The following RYR2 variants were observed in gnomAD, a reference collection of about 807,000 sequenced individuals.
RYR2 encodes ryanodine receptor 2.
Under a neutral mutation model 601.1 loss-of-function variants are expected in RYR2, and 227 were observed. That is an observed-to-expected ratio of 0.38 (90% CI 0.34 to 0.42). The LOEUF (loss-of-function observed/expected upper bound fraction) is 0.42. Among genes scored for constraint, RYR2 ranks in the 10% least tolerant of loss-of-function variants. The pLI, the probability that RYR2 is intolerant of heterozygous loss-of-function variation, is 1.00. For synonymous variants in RYR2, 2,223 were observed against 2,175.1 expected (o/e 1.02, Z -0.61); for missense variants, 4,646 against 6,156.5 (o/e 0.75, Z 8.21).
At chr1:237,742,572 G>A (rs1329398374) in intron 80 of RYR2, among the ~76,000 whole-genome samples, 1 of 152,182 alleles carries the variant, frequency 6.6e-6, no homozygotes, top group Non-Finnish European at 1.5e-5. Context: ...CATATGTTCA[G>A]AATGAGTGTT....
rs529229918 is a variant in RYR2, at chr1:237,384,109, A to G, written c.577-3172A>G. 1.1e-4 allele frequency among the ~76,000 whole-genome samples: 16 copies of G among 152,354 alleles called. No homozygotes were observed. The South Asian group carries it at 3.3e-3, about 32-fold the overall frequency. ...GCAAAATTGGAAGCATTCAAATTAG[A>G]ATATTTTCTTCAGAAGAGTAGACCT... On this transcript the variant is annotated intron_variant, in intron 8 of 104. Transcript: ENST00000366574.
intron 16 of RYR2, among the ~76,000 whole-genome samples, chr1:237,457,161 G>A (rs1306239940): frequency 1.3e-5 from 2 of 152,142 alleles, no homozygotes; most frequent in Non-Finnish European, 2.9e-5. Context: ...ATGGATGTGT[G>A]TTAAATATTT....
chr1:237,778,395 A>AC (rs2149334190), intron 87 of RYR2, among the ~76,000 whole-genome samples: 1 of 11,678 alleles, frequency 8.6e-5, no homozygotes, highest in East Asian at 2.3e-3. Flanking sequence ...TCAAAGCCAG[A>AC]CCAAAAAAAA....
intron 29 of RYR2, among the ~76,000 whole-genome samples, chr1:237,589,425 C>G (rs918321196): frequency 6.6e-6 from 1 of 152,100 alleles, no homozygotes; most frequent in Admixed American, 6.6e-5. Flanking sequence ...TTAGTTCCTT[C>G]TTACTTTCCC....
At position 237,426,293 on chromosome 1, in the gene RYR2, C is replaced by T. The variant is rs923008469; in HGVS notation, c.1005+3045C>T. On this transcript the variant is annotated intron_variant, in intron 12 of 104. Transcript: ENST00000366574. ...ATTCTCCATTGTGAAAATAGAGAGGCACAGCTGGTAAAACCTCATTATCCT... is the reference window on the plus strand; with the variant it reads ...ATTCTCCATTGTGAAAATAGAGAGGTACAGCTGGTAAAACCTCATTATCCT... Among the ~76,000 whole-genome samples the T allele has an allele frequency of 8.5e-5, 13 of 152,146 alleles. No individual in the cohort carries two copies. The Middle Eastern group carries it at 0.014, about 160-fold the overall frequency.
At chr1:237,737,574 G>A (rs1283368219) in intron 79 of RYR2, among the ~76,000 whole-genome samples, 2 of 152,196 alleles carry the variant, frequency 1.3e-5, no homozygotes, top group African/African-American at 4.8e-5. Flanking sequence ...TTTTAATTAA[G>A]TATATGTCAT....
At chr1:237,430,403 T>G (rs1706686092) in intron 12 of RYR2, among the ~76,000 whole-genome samples, 1 of 151,936 alleles carries the variant, frequency 6.6e-6, no homozygotes, top group African/African-American at 2.4e-5. Flanking sequence ...TAATCTATTG[T>G]TGTAATATTA....
chr1:237,812,534 A>G (rs937315477), intron 100 of RYR2, among the ~76,000 whole-genome samples: 5 of 152,198 alleles, frequency 3.3e-5, no homozygotes, highest in East Asian at 1.9e-4. Flanking sequence ...AAATATTGCA[A>G]TTGAGAAGTT....
chr1:237,357,653 T>A (rs1699416687), intron 4 of RYR2, among the ~76,000 whole-genome samples: 1 of 152,182 alleles, frequency 6.6e-6, no homozygotes, highest in African/African-American at 2.4e-5. Flanking sequence ...TGTAAATCAT[T>A]GCAGTAGAGA....
chr1:237,323,953 G>C (rs1018930094), intron 2 of RYR2, among the ~76,000 whole-genome samples: 3 of 152,152 alleles, frequency 2.0e-5, no homozygotes, highest in African/African-American at 4.8e-5. Flanking sequence ...CTTCTTGGAG[G>C]CAATAATGTT....
chr1:237,690,179 G>T (rs1191017843), intron 63 of RYR2, among the ~76,000 whole-genome samples: 1 of 152,134 alleles, frequency 6.6e-6, no homozygotes, highest in Non-Finnish European at 1.5e-5. Context: ...CATATTATGG[G>T]TATTGGTATA....
intron 88 of RYR2, among the ~76,000 whole-genome samples, chr1:237,780,282 T>G (rs1264907005): frequency 6.6e-6 from 1 of 152,198 alleles, no homozygotes; most frequent in Non-Finnish European, 1.5e-5. Context: ...CAGTCTTTCA[T>G]TTAATCACTA....
intron 2 of RYR2, among the ~76,000 whole-genome samples, chr1:237,295,854 T>C (rs547278126): frequency 6.6e-6 from 1 of 151,748 alleles, no homozygotes; most frequent in South Asian, 2.1e-4. Context: ...TGCTAAGCAA[T>C]GTCCAAAGTC....
intron 2 of RYR2, among the ~76,000 whole-genome samples, chr1:237,322,593 C>G (rs2149530386): frequency 6.6e-6 from 1 of 152,120 alleles, no homozygotes; most frequent in East Asian, 1.9e-4. Context: ...AGAGACAACA[C>G]TGTTGCTCAT....
rs1673908773 is a variant in RYR2 at position 237,145,489 on chromosome 1, G to A, written c.48+102920G>A. 2.0e-5 allele frequency among the ~76,000 whole-genome samples: 3 copies of A among 152,170 alleles called. No homozygotes were observed. In the South Asian group the frequency reaches 6.2e-4, roughly 31 times the overall value. ...TTGTATCTCCTGGCGCCATATGCAA[G>A]AGTTTTTCTGATGGGTACTCCTAGA... On this transcript the variant is annotated intron_variant, in intron 1 of 104. Transcript: ENST00000366574.
At chr1:237,248,282 GCCCC>G (rs1171897382) in intron 1 of RYR2, among the ~76,000 whole-genome samples, 27 of 14,076 alleles carry the variant, frequency 1.9e-3, no homozygotes, top group African/African-American at 4.5e-3. Flanking sequence ...CCGCAACCCC[GCCCC>G]CCCCCCCCCC....
At chr1:237,342,443 C>T (rs1017631708) in intron 3 of RYR2, among the ~76,000 whole-genome samples, 32 of 152,046 alleles carry the variant, frequency 2.1e-4, no homozygotes, top group African/African-American at 7.7e-4. Context: ...TGTGAGCCAC[C>T]TCACCCCACT....
chr1:237,059,624 G>A (rs1395014627), intron 1 of RYR2, among the ~76,000 whole-genome samples: 1 of 152,116 alleles, frequency 6.6e-6, no homozygotes, highest in African/African-American at 2.4e-5. Context: ...TTTTTCATAA[G>A]AGGAAAGGAA....
At chr1:237,177,646 A>T (rs1678205946) in intron 1 of RYR2, among the ~76,000 whole-genome samples, 1 of 152,188 alleles carries the variant, frequency 6.6e-6, no homozygotes, top group South Asian at 2.1e-4. Context: ...TATATTCACA[A>T]GTATACAGCA....
Sources: gnomAD v4.1 joint callset for allele counts (sites outside exome capture counted in the v4.1 genomes callset) on GRCh38, gnomAD v4.1.1 for gene constraint, MANE v1.5 for transcripts, NCBI Gene and HGNC (gene_info 2026-07-23, HGNC 2026-07-21) for gene names.